ZCWPW2: variants seen among roughly 807,000 people sequenced by gnomAD.
The protein encoded by ZCWPW2 is zinc finger CW-type PWWP domain protein 2.
ZCWPW2 carries 45 observed loss-of-function variants against 46.6 expected under a neutral mutation model. That is an observed-to-expected ratio of 0.96 (90% CI 0.76 to 1.24). The LOEUF (loss-of-function observed/expected upper bound fraction) is 1.24, where lower values mean the gene tolerates loss of function less well. Among genes scored for constraint, ZCWPW2 ranks in the 50% most tolerant of loss-of-function variants. The probability of loss-of-function intolerance (pLI) is 0.00; values close to 1 mark genes in which losing one functional copy is unlikely to be tolerated. For missense variants in ZCWPW2, 429 were observed against 403.9 expected, an observed-to-expected ratio of 1.06 and a Z score of -0.53; for synonymous variants, 152 against 137.1, an observed-to-expected ratio of 1.11 and a Z score of -0.76.
At chr3:28,507,553 A>G (rs1575220745) in intron 6 of ZCWPW2, among the ~76,000 whole-genome samples, 1 of 150,212 alleles carries the variant, frequency 6.7e-6, no homozygotes, top group African/African-American at 2.5e-5. Context: ...CTTGGCTTCT[A>G]TGAATTTATT....
chr3:28,389,718 A>G (rs1408941395), intron 1 of ZCWPW2, among the ~76,000 whole-genome samples: 8 of 152,176 alleles, frequency 5.3e-5, no homozygotes, highest in South Asian at 2.1e-4. Context: ...TGATATATTT[A>G]TAAAGAGAGA....
At chr3:28,360,349 C>CAAAAAAGAAA (rs1704891988) in intron 1 of ZCWPW2, among the ~76,000 whole-genome samples, 1 of 53,926 alleles carries the variant, frequency 1.9e-5, no homozygotes, top group African/African-American at 7.1e-5. Flanking sequence ...ACTAAAAATA[C>CAAAAAAGAAA]AAAAAAAAAA....
chr3:28,491,301 C>G (rs921496913), intron 5 of ZCWPW2, among the ~76,000 whole-genome samples: 2 of 152,048 alleles, frequency 1.3e-5, no homozygotes, highest in African/African-American at 4.8e-5. Flanking sequence ...ATATAGTAAC[C>G]TGTTCCTCTG....
At chr3:28,441,419 G>A (rs919422799) in intron 4 of ZCWPW2, among the ~76,000 whole-genome samples, 3 of 152,116 alleles carry the variant, frequency 2.0e-5, no homozygotes, top group Non-Finnish European at 4.4e-5. Context: ...GCACAACCAG[G>A]TGCACTGCTT....
chr3:28,510,671 G>C (rs1366378961), intron 6 of ZCWPW2, among the ~76,000 whole-genome samples: 1 of 152,076 alleles, frequency 6.6e-6, no homozygotes, highest in Admixed American at 6.6e-5. Context: ...ATGTAGGGCA[G>C]AGCTACCTAC....
chr3:28,518,393 T>C (rs1700635833), intron 8 of ZCWPW2, among the ~76,000 whole-genome samples: 1 of 152,122 alleles, frequency 6.6e-6, no homozygotes, highest in African/African-American at 2.4e-5. Flanking sequence ...CTGACCAATT[T>C]TGATAACATA....
intron 1 of ZCWPW2, among the ~76,000 whole-genome samples, chr3:28,360,875 C>G (rs1476318003): frequency 6.6e-6 from 1 of 152,080 alleles, no homozygotes; most frequent in East Asian, 1.9e-4. Context: ...TTAATCAAAA[C>G]AGTATGGTAC....
intron 8 of ZCWPW2, among the ~76,000 whole-genome samples, chr3:28,517,697 TAAGTC>T (rs1575232149): frequency 6.6e-6 from 1 of 152,150 alleles, no homozygotes; most frequent in East Asian, 1.9e-4. Context: ...ATTTAATAGA[TAAGTC>T]GAGGTGAAAG....
chr3:28,505,373 G>A (rs1357727304), intron 6 of ZCWPW2, among the ~76,000 whole-genome samples: 1 of 152,128 alleles, frequency 6.6e-6, no homozygotes, highest in Non-Finnish European at 1.5e-5. Flanking sequence ...AGGTTGACTA[G>A]ACTGGAGCAT....
intron 6 of ZCWPW2, among the ~76,000 whole-genome samples, chr3:28,503,861 A>G (rs1700211419): frequency 6.7e-6 from 1 of 150,038 alleles, no homozygotes; most frequent in African/African-American, 2.4e-5. Context: ...TAAAATTATA[A>G]TGATTTTGAG....
At chr3:28,429,694 T>G (rs907415249) in intron 3 of ZCWPW2, among the ~76,000 whole-genome samples, 19 of 152,026 alleles carry the variant, frequency 1.2e-4, no homozygotes, top group African/African-American at 4.3e-4. Flanking sequence ...TAGGAGGAAA[T>G]AATGGTTTCA....
intron 3 of ZCWPW2, among the ~76,000 whole-genome samples, chr3:28,421,362 T>G (rs1696778796): frequency 1.3e-5 from 2 of 152,172 alleles, no homozygotes; most frequent in Admixed American, 1.3e-4. Context: ...TGCCACCACC[T>G]GAGCAGGAAG....
At chr3:28,437,370 G>C (rs1697543827) in intron 4 of ZCWPW2, among the ~76,000 whole-genome samples, 2 of 152,162 alleles carry the variant, frequency 1.3e-5, no homozygotes, top group South Asian at 4.1e-4. Context: ...ACTAAATATG[G>C]ATTCTCTATA....
intron 4 of ZCWPW2, among the ~76,000 whole-genome samples, chr3:28,476,732 T>C (rs533614555): frequency 2.0e-5 from 3 of 152,284 alleles, no homozygotes; most frequent in South Asian, 2.1e-4. Flanking sequence ...CTCACCATAA[T>C]GTAGAATCGG....
intron 3 of ZCWPW2, among the ~76,000 whole-genome samples, chr3:28,425,375 C>G (rs1268620349): frequency 6.6e-6 from 1 of 152,044 alleles, no homozygotes. Context: ...AAGATAATAA[C>G]AGGATAAATT....
chr3:28,482,943 G>A (rs1699480722), intron 5 of ZCWPW2, among the ~76,000 whole-genome samples: 1 of 152,064 alleles, frequency 6.6e-6, no homozygotes, highest in African/African-American at 2.4e-5. Flanking sequence ...CCAATATGTG[G>A]CTTATCTTTT....
At chr3:28,361,074 A>G (rs144644777) in intron 1 of ZCWPW2, among the ~76,000 whole-genome samples, 293 of 152,250 alleles carry the variant, frequency 1.9e-3, no homozygotes, top group African/African-American at 6.6e-3. Context: ...ATCTTTATGT[A>G]TATACAGATA....
At chr3:28,388,696 C>A (rs927087581) in intron 1 of ZCWPW2, among the ~76,000 whole-genome samples, 1 of 152,160 alleles carries the variant, frequency 6.6e-6, no homozygotes. Flanking sequence ...TTAAAATTCT[C>A]ATTTCTGTAA....
At position 28,522,604 on chromosome 3, in the gene ZCWPW2, G is replaced by A. The variant is rs529429367; in HGVS notation, c.909+1488G>A. Among the ~76,000 whole-genome samples the A allele has an allele frequency of 7.9e-5, 12 of 152,232 alleles. No homozygotes were observed. In the South Asian group the frequency reaches 2.3e-3, roughly 29 times the overall value. On this transcript the variant is annotated intron_variant, in intron 9 of 9. Transcript: ENST00000383768. ...GAGTTAGAAATTAATAAAATATACA[G>A]AATGTACTACTATGGAGATTATTAT...
Sources: gnomAD v4.1 joint callset for allele counts (sites outside exome capture counted in the v4.1 genomes callset) on GRCh38, gnomAD v4.1.1 for gene constraint, MANE v1.5 for transcripts, NCBI Gene and HGNC (gene_info 2026-07-23, HGNC 2026-07-21) for gene names.